DLG2: variants seen among roughly 807,000 people sequenced by gnomAD.
The protein encoded by DLG2 is disks large homolog 2.
Under a neutral mutation model 132.5 loss-of-function variants are expected in DLG2, and 45 were observed. The ratio of observed to expected loss-of-function variants is 0.34; its 90% CI spans 0.27 to 0.44. The LOEUF (loss-of-function observed/expected upper bound fraction) is 0.44. Ranked by LOEUF, DLG2 falls within the 20% of genes least tolerant of loss-of-function variation. DLG2 has a pLI of 1.00. For synonymous variants in DLG2, 424 were observed against 419.6 expected, an observed-to-expected ratio of 1.01 and a Z score of -0.13; for missense variants, 1,045 against 1,196.9, an observed-to-expected ratio of 0.87 and a Z score of 1.87.
intron 6 of DLG2, among the ~76,000 whole-genome samples, chr11:84,982,436 T>A (rs889276687): frequency 2.0e-5 from 3 of 152,278 alleles, no homozygotes; most frequent in South Asian, 4.1e-4. Flanking sequence ...TTTTCACATG[T>A]TCTCCTCCTT....
intron 7 of DLG2, among the ~76,000 whole-genome samples, chr11:84,524,012 G>A (rs2099312583): frequency 6.6e-6 from 1 of 152,116 alleles, no homozygotes; most frequent in East Asian, 1.9e-4. Flanking sequence ...TTCCATGGGT[G>A]TCCAGTCTTT....
At chr11:84,333,871 G>A (rs1323433566) in intron 7 of DLG2, among the ~76,000 whole-genome samples, 1 of 152,114 alleles carries the variant, frequency 6.6e-6, no homozygotes, top group South Asian at 2.1e-4. Flanking sequence ...GAATATTATT[G>A]TCACAAATAC....
At position 84,665,767 on chromosome 11, in the gene DLG2, A is replaced by G. The variant is rs530691965; in HGVS notation, c.358-131036T>C. Among the ~76,000 whole-genome samples, 3 of 152,182 alleles carry G rather than the reference A, an allele frequency of 2.0e-5. No individual in the cohort carries two copies. The East Asian group carries it at 5.8e-4, about 29-fold the overall frequency. On this transcript the variant is annotated intron_variant, in intron 6 of 27. Coordinates refer to ENST00000376104, the MANE Select transcript of DLG2 (RefSeq NM_001142699.3). ...CCAGGGTGAGGAAAATATTTCACTT[A>G]TTTTTAAATTTCTAGAGTCAATGTG... is the stretch of plus-strand genomic sequence containing the variant.
At chr11:84,005,623 AG>A (rs1475688794) in intron 11 of DLG2, among the ~76,000 whole-genome samples, 1 of 150,438 alleles carries the variant, frequency 6.6e-6, no homozygotes, top group African/African-American at 2.5e-5. Flanking sequence ...GAACATACAA[AG>A]AACTCAAACA....
intron 11 of DLG2, among the ~76,000 whole-genome samples, chr11:84,000,384 A>G (rs753760764): frequency 6.6e-6 from 1 of 152,082 alleles, no homozygotes; most frequent in Non-Finnish European, 1.5e-5. Context: ...CCATAAAGGG[A>G]CCAAATATTC....
intron 3 of DLG2, among the ~76,000 whole-genome samples, chr11:85,470,456 C>T (rs1404889885): frequency 6.6e-6 from 1 of 152,144 alleles, no homozygotes; most frequent in Non-Finnish European, 1.5e-5. Flanking sequence ...GGTATTGTGG[C>T]TCATGCCTGT....
intron 5 of DLG2, among the ~76,000 whole-genome samples, chr11:85,143,970 T>C (rs2076670100): frequency 6.6e-6 from 1 of 151,742 alleles, no homozygotes; most frequent in African/African-American, 2.4e-5. Flanking sequence ...TTAAGTCTGA[T>C]GTTTCTTTGT....
In DLG2 at chr11:84,059,501, G is replaced by C; in HGVS notation, c.750-17C>G. On this transcript the variant is annotated splice_polypyrimidine_tract_variant and intron_variant, in intron 10 of 27. Transcript: ENST00000376104. ...TCATTGACCCTGCAAGGAAGGAAAAGAGTCAAGATTCAGAAGTGGCTAGCA... is the reference window on the plus strand; with the variant it reads ...TCATTGACCCTGCAAGGAAGGAAAACAGTCAAGATTCAGAAGTGGCTAGCA... 1 of 1,543,846 alleles carries C rather than the reference G, an allele frequency of 6.5e-7. No individual in the cohort carries two copies. Among genetic ancestry groups the C allele is most frequent in the Non-Finnish European group, 8.7e-7 (1 of 1,144,692 alleles).
At chr11:85,316,605 A>G (rs2080694084) in intron 3 of DLG2, among the ~76,000 whole-genome samples, 1 of 151,998 alleles carries the variant, frequency 6.6e-6, no homozygotes, top group African/African-American at 2.4e-5. Context: ...TGCTGCTCTT[A>G]GCCAATGCCT....
chr11:85,518,860 C>A (rs2094220762), intron 3 of DLG2, among the ~76,000 whole-genome samples: 1 of 152,118 alleles, frequency 6.6e-6, no homozygotes, highest in East Asian at 1.9e-4. Flanking sequence ...GGTGCTCCAG[C>A]CATGACTAAA....
intron 15 of DLG2, among the ~76,000 whole-genome samples, chr11:83,902,147 T>G (rs568348362): frequency 2.4e-4 from 37 of 152,318 alleles, no homozygotes; most frequent in Non-Finnish European, 4.9e-4. Context: ...CTGCATATTC[T>G]ATAATGTATT....
intron 10 of DLG2, among the ~76,000 whole-genome samples, 174 bp downstream of exon 10, chr11:84,098,749 T>G (rs1242246697): frequency 1.3e-5 from 2 of 152,140 alleles, no homozygotes; most frequent in Admixed American, 6.5e-5. Flanking sequence ...AATCAAACAC[T>G]ACTGAAATTC....
chr11:84,205,555 TA>T (rs68181463), intron 8 of DLG2, among the ~76,000 whole-genome samples: 10,414 of 150,370 alleles, frequency 0.069, 1,107 homozygotes, highest in African/African-American at 0.23. Context: ...AGAATTAAAT[TA>T]AAAAAAAAAA....
chr11:85,046,080 A>G (rs1349778289), intron 6 of DLG2, among the ~76,000 whole-genome samples: 6 of 152,070 alleles, frequency 3.9e-5, no homozygotes. Flanking sequence ...TGCTTCCTCC[A>G]TATTATTAGC....
chr11:85,606,507 A>G (rs575003367), intron 2 of DLG2, among the ~76,000 whole-genome samples: 3 of 152,134 alleles, frequency 2.0e-5, no homozygotes, highest in Non-Finnish European at 4.4e-5. Flanking sequence ...ACCAATCAGC[A>G]CTCTATAAAA....
chr11:85,520,790 T>G (rs1423171677), intron 3 of DLG2, among the ~76,000 whole-genome samples: 1 of 152,100 alleles, frequency 6.6e-6, no homozygotes, highest in Non-Finnish European at 1.5e-5. Context: ...TAAAGGGTGC[T>G]GGGAAAGCTG....
intron 6 of DLG2, among the ~76,000 whole-genome samples, chr11:84,845,011 T>C (rs1038589443): frequency 6.6e-6 from 1 of 152,092 alleles, no homozygotes; most frequent in African/African-American, 2.4e-5. Flanking sequence ...CAGAAGCAAA[T>C]ACAAATTTTA....
At chr11:83,552,824 A>G (rs2096424831) in intron 19 of DLG2, among the ~76,000 whole-genome samples, 1 of 152,220 alleles carries the variant, frequency 6.6e-6, no homozygotes, top group East Asian at 1.9e-4. Context: ...TTGTTATGAA[A>G]GTAGAAGTAT....
chr11:85,399,030 C>T (rs2087736620), intron 3 of DLG2, among the ~76,000 whole-genome samples: 2 of 152,078 alleles, frequency 1.3e-5, no homozygotes, highest in African/African-American at 2.4e-5. Flanking sequence ...TTTAGAAAAC[C>T]CCATTGTCTC....
Sources: allele counts gnomAD v4.1 joint callset (sites outside exome capture counted in the v4.1 genomes callset), GRCh38; gene constraint gnomAD v4.1.1; transcripts MANE v1.5; gene names NCBI Gene and HGNC (gene_info 2026-07-23, HGNC 2026-07-21).